The following LOC400499 variants were observed in gnomAD, a reference collection of about 807,000 sequenced individuals.
the LOC400499 span, among the ~76,000 whole-genome samples, chr16:11,395,057 T>G: frequency 6.6e-6 from 1 of 152,206 alleles, no homozygotes; most frequent in Non-Finnish European, 1.5e-5. Flanking sequence ...CTGTGGAATT[T>G]AACCAAGCAC....
the LOC400499 span, chr16:11,417,879 G>A: frequency 2.5e-6 from 1 of 398,596 alleles, no homozygotes; most frequent in Non-Finnish European, 4.4e-6. Flanking sequence ...ACCCTGTGCA[G>A]AGAGAGCCAG....
chr16:11,373,851 C>G, the LOC400499 span, among the ~76,000 whole-genome samples: 2 of 152,100 alleles, frequency 1.3e-5, no homozygotes, highest in Non-Finnish European at 2.9e-5. Context: ...AACTCCTGAC[C>G]TCAGGTGATC....
the LOC400499 span, chr16:11,491,604 G>A: frequency 5.3e-6 from 2 of 379,154 alleles, no homozygotes; most frequent in Non-Finnish European, 9.4e-6. Flanking sequence ...AAGGGGTGGA[G>A]GGAGAGGATG....
chr16:11,474,083 T>C, the LOC400499 span, among the ~76,000 whole-genome samples: 1 of 152,238 alleles, frequency 6.6e-6, no homozygotes, highest in African/African-American at 2.4e-5. Flanking sequence ...AGTCTTGAAC[T>C]CCTGGACTCA....
At chr16:11,517,318 T>C in the LOC400499 span, among the ~76,000 whole-genome samples, 1 of 152,192 alleles carries the variant, frequency 6.6e-6, no homozygotes, top group Non-Finnish European at 1.5e-5. Flanking sequence ...GAGCCTTCAC[T>C]CTTTCATTCC....
the LOC400499 span, among the ~76,000 whole-genome samples, chr16:11,526,226 A>C: frequency 1.3e-5 from 2 of 152,202 alleles, no homozygotes; most frequent in African/African-American, 4.8e-5. Flanking sequence ...TTACAGAGAA[A>C]CTTTTCATTT....
the LOC400499 span, among the ~76,000 whole-genome samples, chr16:11,436,981 G>T: frequency 6.6e-6 from 1 of 152,162 alleles, no homozygotes; most frequent in Non-Finnish European, 1.5e-5. Context: ...ATATTATCTA[G>T]TGCTAATATA....
the LOC400499 span, among the ~76,000 whole-genome samples, chr16:11,460,295 G>A: frequency 6.6e-6 from 1 of 152,160 alleles, no homozygotes; most frequent in South Asian, 2.1e-4. Context: ...CTCCTGGGCT[G>A]AAGCGTTCCT....
the LOC400499 span, among the ~76,000 whole-genome samples, chr16:11,468,063 T>TC: frequency 2.0e-5 from 3 of 150,594 alleles, no homozygotes; most frequent in African/African-American, 7.3e-5. Context: ...CTAGGTCAGA[T>TC]CCTCCCTGAC....
the LOC400499 span, chr16:11,494,639 A>G: frequency 1.3e-5 from 5 of 399,248 alleles, no homozygotes; most frequent in Non-Finnish European, 2.2e-5. Flanking sequence ...CAGGATCCTC[A>G]CTAGGGAGCC....
At chr16:11,390,391 C>A in the LOC400499 span, 3 of 1,239,788 alleles carry the variant, frequency 2.4e-6, no homozygotes, top group Non-Finnish European at 2.0e-6. Flanking sequence ...CTCCTCTGCT[C>A]GCTCCCGCCA....
the LOC400499 span, among the ~76,000 whole-genome samples, chr16:11,520,878 A>G: frequency 4.6e-5 from 7 of 152,100 alleles, no homozygotes; most frequent in Non-Finnish European, 8.8e-5. Flanking sequence ...GGGCCAGAAA[A>G]TTTCCATTTT....
the LOC400499 span, chr16:11,392,278 G>T: frequency 2.5e-6 from 1 of 398,772 alleles, no homozygotes. Flanking sequence ...GTGGGAGAAC[G>T]GTAACCCCTT....
the LOC400499 span, chr16:11,462,210 C>A: frequency 6.5e-7 from 1 of 1,534,746 alleles, no homozygotes; most frequent in Non-Finnish European, 8.7e-7. Flanking sequence ...CCGGTGAAGA[C>A]GACGGGGCTG....
At chr16:11,415,439 C>G in the LOC400499 span, among the ~76,000 whole-genome samples, 7,095 of 152,286 alleles carry the variant, frequency 0.047, 568 homozygotes, top group African/African-American at 0.16. Flanking sequence ...ACTTCCTTAT[C>G]TATGAGGTGG....
chr16:11,503,365 A>C, the LOC400499 span, among the ~76,000 whole-genome samples: 1 of 152,176 alleles, frequency 6.6e-6, no homozygotes, highest in Non-Finnish European at 1.5e-5. Flanking sequence ...GGAGATGTTT[A>C]GTTTGGAAAA....
chr16:11,485,254 G>C, the LOC400499 span, among the ~76,000 whole-genome samples: 75 of 152,248 alleles, frequency 4.9e-4, 1 homozygote, highest in African/African-American at 1.7e-3. Context: ...CAATCTCTCT[G>C]TATCTACTTG....
chr16:11,403,591 G>A, the LOC400499 span, among the ~76,000 whole-genome samples: 27 of 152,222 alleles, frequency 1.8e-4, no homozygotes, highest in East Asian at 7.7e-4. Context: ...GACGCTGGGA[G>A]GATTCCATCA....
At chr16:11,511,319 C>T in the LOC400499 span, among the ~76,000 whole-genome samples, 4 of 152,112 alleles carry the variant, frequency 2.6e-5, no homozygotes, top group Non-Finnish European at 5.9e-5. Flanking sequence ...TAACTTTCCC[C>T]ATAACCTATG....
Sources: gnomAD v4.1 joint callset for allele counts (sites outside exome capture counted in the v4.1 genomes callset) on GRCh38, gnomAD v4.1.1 for gene constraint, MANE v1.5 for transcripts.